CNTLN: variants seen among roughly 807,000 people sequenced by gnomAD.
The protein encoded by CNTLN is centlein, also known as centlein, centrosomal protein.
A neutral mutation model predicts 180.0 loss-of-function variants in CNTLN; 212 were observed. The ratio of observed to expected loss-of-function variants is 1.18; its 90% CI spans 1.05 to 1.32. The LOEUF (loss-of-function observed/expected upper bound fraction) is 1.32, where lower values mean the gene tolerates loss of function less well. CNTLN is among the 40% of genes most tolerant of loss of function. The pLI, the probability that CNTLN is intolerant of heterozygous loss-of-function variation, is 0.00. For missense variants in CNTLN, 2,095 were observed against 1,610.9 expected (o/e 1.30, Z -5.14); for synonymous variants, 722 against 563.1 (o/e 1.28, Z -3.99).
At chr9:17,457,788 CTAATT>C (rs1290405386) in intron 19 of CNTLN, 73 bp downstream of exon 19, 3 of 872,320 alleles carry the variant, frequency 3.4e-6, no homozygotes, top group Non-Finnish European at 4.7e-6. Flanking sequence ...TATATGAACA[CTAATT>C]TATTCTAATA....
chr9:17,282,360 T>G (rs1218746354), intron 6 of CNTLN, among the ~76,000 whole-genome samples: 1 of 152,204 alleles, frequency 6.6e-6, no homozygotes, highest in Non-Finnish European at 1.5e-5. Flanking sequence ...CTTTTTTTGA[T>G]ATGTTTGTTG....
chr9:17,377,638 G>A (rs545952810), intron 13 of CNTLN, among the ~76,000 whole-genome samples: 1 of 152,302 alleles, frequency 6.6e-6, no homozygotes, highest in Non-Finnish European at 1.5e-5. Flanking sequence ...GAACCTAGAT[G>A]TTTGAGAATA....
intron 7 of CNTLN, chr9:17,301,103 G>C: frequency 1.0e-6 from 1 of 985,368 alleles, no homozygotes; most frequent in South Asian, 4.7e-5. Flanking sequence ...TGTCATACCA[G>C]TAATACTTTG....
At chr9:17,515,678 C>G in the CNTLN span, among the ~76,000 whole-genome samples, 5 of 152,134 alleles carry the variant, frequency 3.3e-5, no homozygotes, top group East Asian at 7.7e-4. Flanking sequence ...ATTCTACTGA[C>G]TCTACCCTCA....
At chr9:17,446,071 G>A (rs932816038) in intron 18 of CNTLN, among the ~76,000 whole-genome samples, 3 of 152,122 alleles carry the variant, frequency 2.0e-5, no homozygotes, top group Non-Finnish European at 4.4e-5. Context: ...CTTTGTTCAC[G>A]TGTTTGTCTG....
At chr9:17,227,748 C>T (rs532758494) in intron 3 of CNTLN, among the ~76,000 whole-genome samples, 54 of 151,974 alleles carry the variant, frequency 3.6e-4, no homozygotes, top group African/African-American at 5.6e-4. Context: ...GAAATTTACA[C>T]GTTTTCCAAA....
At chr9:17,215,774 G>C (rs142596730) in intron 2 of CNTLN, among the ~76,000 whole-genome samples, 1 of 152,080 alleles carries the variant, frequency 6.6e-6, no homozygotes, top group Non-Finnish European at 1.5e-5. Flanking sequence ...CTCCAGCCTC[G>C]CTGCCACCTT....
At chr9:17,495,480 T>G (rs562233523) in intron 25 of CNTLN, among the ~76,000 whole-genome samples, 113 of 152,272 alleles carry the variant, frequency 7.4e-4, no homozygotes, top group African/African-American at 2.3e-3. Context: ...AAATACAAAA[T>G]TATTTATATC....
At chr9:17,393,317 G>A (rs1014267532) in intron 14 of CNTLN, among the ~76,000 whole-genome samples, 10 of 152,258 alleles carry the variant, frequency 6.6e-5, no homozygotes, top group African/African-American at 2.2e-4. Flanking sequence ...TCAGACCATC[G>A]GAGTTGTCAG....
chr9:17,244,254 C>G (rs1340159905), intron 5 of CNTLN, among the ~76,000 whole-genome samples: 2 of 151,520 alleles, frequency 1.3e-5, no homozygotes, highest in African/African-American at 4.9e-5. Flanking sequence ...CTCTGTCACC[C>G]AGACTGGAGT....
intron 18 of CNTLN, among the ~76,000 whole-genome samples, chr9:17,429,275 T>A (rs989961553): frequency 7.2e-5 from 11 of 152,166 alleles, no homozygotes; most frequent in Non-Finnish European, 1.3e-4. Flanking sequence ...GTAACAGAAG[T>A]TCCTGGAGAC....
At position 17,330,705 on chromosome 9, in the gene CNTLN, A is replaced by G. The variant is rs943959098; in HGVS notation, c.1415A>G (p.Gln472Arg). The change falls in exon 9 of 26, where the codon CAG becomes CGG. Residue 472 changes from glutamine (Q) to arginine (R), a missense_variant. Coordinates refer to ENST00000380647, the MANE Select transcript of CNTLN (RefSeq NM_017738.4). Reference protein sequence around the residue: ...VSQKSEIEYLQEKLKIANEKL... With the variant: ...VSQKSEIEYLREKLKIANEKL... ...CAGAAGTCTGAAATTGAGTATTTACAGGAGAAACTAAAGATAGCAAATGAA... is the reference window on the plus strand; with the variant it reads ...CAGAAGTCTGAAATTGAGTATTTACGGGAGAAACTAAAGATAGCAAATGAA... 5 of 1,612,160 alleles carry G rather than the reference A, an allele frequency of 3.1e-6. No individual in the cohort carries two copies. The highest frequency in any genetic ancestry group is 1.3e-5 in the African/African-American group (1 of 74,998).
chr9:17,249,402 G>A (rs900662942), intron 5 of CNTLN, among the ~76,000 whole-genome samples: 16 of 147,494 alleles, frequency 1.1e-4, no homozygotes, highest in African/African-American at 2.3e-4. Flanking sequence ...AGGCTGGAGT[G>A]CAGTGGTGCA....
In CNTLN at chr9:17,135,310, C is replaced by T. The variant is rs780441475; in HGVS notation, c.245C>T (p.Ala82Val). Residue 82 changes from alanine (A) to valine (V), a missense_variant, in exon 1 of 26, where the codon GCG becomes GTG. Transcript: ENST00000380647. ...AAPAHAPLLS[A>V]PMGSRRLEGI... ...CCGGCTCATGCTCCCCTCCTCAGCG[C>T]GCCCATGGGGTCCAGACGGCTAGAG... The T allele has an allele frequency of 2.5e-6, 4 of 1,601,550 alleles. No homozygotes were observed. The highest frequency in any genetic ancestry group is 3.4e-6 in the Non-Finnish European group (4 of 1,174,992).
intron 2 of CNTLN, among the ~76,000 whole-genome samples, chr9:17,193,115 T>C (rs1821896164): frequency 2.0e-5 from 3 of 152,060 alleles, no homozygotes; most frequent in African/African-American, 7.2e-5. Flanking sequence ...TCTCACCGGC[T>C]CCCTCCTACA....
rs770242985 is a variant in CNTLN at position 17,388,166 on chromosome 9, G to A, written c.1992G>A (p.Gln664=). Residue 664 remains glutamine (Q), a synonymous_variant, in exon 14 of 26, where the codon CAG becomes CAA. Coordinates refer to ENST00000380647, the MANE Select transcript of CNTLN (RefSeq NM_017738.4). ...ATATTATTTATTCTCTACCAGAACA[G>A]CTCTTTAGATCTGGTGAAGATGATG... The part of the protein sequence containing the change: ...NRCVAERREE[Q]LFRSGEDDEV... The A allele has an allele frequency of 6.2e-7, 1 of 1,601,738 alleles. No homozygotes were observed. The highest frequency in any genetic ancestry group is 1.3e-5 in the African/African-American group (1 of 74,740).
chr9:17,289,742 A>G (rs1829236445), intron 6 of CNTLN, among the ~76,000 whole-genome samples: 1 of 142,316 alleles, frequency 7.0e-6, no homozygotes. Context: ...TTCCCTTCTC[A>G]CTTCATTTCA....
intron 3 of CNTLN, among the ~76,000 whole-genome samples, chr9:17,229,292 T>C (rs1190975913): frequency 6.6e-6 from 1 of 152,106 alleles, no homozygotes; most frequent in African/African-American, 2.4e-5. Context: ...TCATGAAGTT[T>C]TAAAATGAAT....
chr9:17,453,906 T>C (rs1450004142), intron 18 of CNTLN, among the ~76,000 whole-genome samples: 3 of 152,188 alleles, frequency 2.0e-5, no homozygotes, highest in Admixed American at 6.5e-5. Flanking sequence ...CTCATCTGAT[T>C]AGGTCAGGAC....
Sources: gnomAD v4.1 joint callset for allele counts (sites outside exome capture counted in the v4.1 genomes callset) on GRCh38, gnomAD v4.1.1 for gene constraint, MANE v1.5 for transcripts, NCBI Gene and HGNC (gene_info 2026-07-23, HGNC 2026-07-21) for gene names.